The following GSTZ1 variants were observed in gnomAD, a reference collection of about 807,000 sequenced individuals.
GSTZ1 encodes glutathione S-transferase zeta 1.
GSTZ1 carries 34 observed loss-of-function variants against 35.9 expected under a neutral mutation model. The ratio of observed to expected loss-of-function variants is 0.95; its 90% CI spans 0.72 to 1.26. GSTZ1 has a LOEUF of 1.26. Ranked by LOEUF, GSTZ1 falls within the 50% of genes most tolerant of loss-of-function variation. The pLI is 0.00. For synonymous variants in GSTZ1, 93 were observed against 101.2 expected, an observed-to-expected ratio of 0.92 and a Z score of 0.49; for missense variants, 263 against 271.7, an observed-to-expected ratio of 0.97 and a Z score of 0.23.
At chr14:77,327,375 G>A in intron 3 of GSTZ1, 97 bp from the exon 4 acceptor site, 2 of 735,966 alleles carry the variant, frequency 2.7e-6, no homozygotes, top group Non-Finnish European at 4.9e-6. Context: ...AAGGGAGATG[G>A]GGGTGGGTGG....
At chr14:77,327,222 G>C in intron 3 of GSTZ1, 1 of 595,620 alleles carries the variant, frequency 1.7e-6, no homozygotes. Context: ...GAGCTGCCTT[G>C]GTGGCCACGG....
In GSTZ1 at chr14:77,321,058, C is replaced by T; in HGVS notation, c.-111C>T. On this transcript the variant is annotated 5_prime_UTR_variant, in exon 1 of 9. Transcript: ENST00000216465. ...TTTCTAGTCCAGCCCCTCGCTTTAC[C>T]CGGACGAAAGACACGGGCCTGATTC... 8.4e-7 allele frequency: 1 copy of T among 1,195,686 alleles called. No individual in the cohort carries two copies. 74.1% of individuals were successfully genotyped at this position (1,195,686 alleles called of 1,614,324 possible). A position where few individuals can be genotyped will look rare whatever the true frequency, so the allele number is the denominator to read the frequency against.
intron 6 of GSTZ1, 163 bp from the exon 7 acceptor site, chr14:77,329,592 C>G: frequency 1.5e-6 from 1 of 649,952 alleles, no homozygotes; most frequent in Non-Finnish European, 2.8e-6. Flanking sequence ...CAGCTCATCC[C>G]TAACAGCTCT....
At chr14:77,329,312 A>G (rs1892490753) in intron 6 of GSTZ1, 111 bp downstream of exon 6, 1 of 779,980 alleles carries the variant, frequency 1.3e-6, no homozygotes, top group East Asian at 2.6e-5. Flanking sequence ...TGGGCCTGAC[A>G]GTTGCATGGA....
intron 6 of GSTZ1, 57 bp downstream of exon 6, chr14:77,329,258 G>A (rs907917847): frequency 7.2e-6 from 8 of 1,103,882 alleles, no homozygotes; most frequent in Admixed American, 3.4e-5. Flanking sequence ...TATGGCCCTC[G>A]CACACAGGGG....
At position 77,330,359 on chromosome 14, in the gene GSTZ1, G is replaced by A. The variant is rs1414175977; in HGVS notation, c.524G>A (p.Arg175Lys). 1.2e-6 allele frequency: 2 copies of A among 1,612,086 alleles called. No individual in the cohort carries two copies. Among genetic ancestry groups the A allele is most frequent in the South Asian group, 2.2e-5 (2 of 91,022 alleles). ...GTGCCTCAGGTGGCAAATGCTGAAA[G>A]GTAAGAGAGAGCCCCGCCACCCTCC... Reference protein sequence around the residue: ...CLVPQVANAERFKVDLTPYPT... With the variant: ...CLVPQVANAEKFKVDLTPYPT... Residue 175 changes from arginine (R) to lysine (K), a missense_variant and splice_region_variant, in exon 8 of 9, where the codon AGA (arginine) becomes AAA (lysine). By Grantham distance (26) the Arg-to-Lys change is conservative. Transcript: ENST00000216465.
rs781539214 is a variant in GSTZ1, at chr14:77,324,935, C to G, written c.67+14C>G. On this transcript the variant is annotated intron_variant, in intron 2 of 8. Coordinates refer to ENST00000216465, the MANE Select transcript of GSTZ1 (RefSeq NM_145870.3). Reference sequence around the variant, plus strand: ...GAGTTCGAATTGGTAAGAGATGTGCCTCCTCCAGGATGAGTGCTGGAGTGG... The same window carrying G: ...GAGTTCGAATTGGTAAGAGATGTGCGTCCTCCAGGATGAGTGCTGGAGTGG... 1.2e-6 allele frequency: 2 copies of G among 1,608,590 alleles called. No individual in the cohort carries two copies. Among genetic ancestry groups the G allele is most frequent in the Non-Finnish European group, 1.7e-6 (2 of 1,174,914 alleles).
intron 6 of GSTZ1, 115 bp from the exon 7 acceptor site, chr14:77,329,640 G>A: frequency 1.3e-6 from 1 of 798,964 alleles, no homozygotes; most frequent in South Asian, 1.4e-5. Context: ...CAGCAGCCAT[G>A]CCCAGTCTGT....
intron 1 of GSTZ1, chr14:77,321,480 C>G (rs1051669962): frequency 2.0e-6 from 3 of 1,479,350 alleles, no homozygotes; most frequent in Non-Finnish European, 2.7e-6. Flanking sequence ...ACAGACCCCT[C>G]CCTCCACTAA....
At chr14:77,323,774 A>G (rs1386176376) in intron 1 of GSTZ1, 2 of 152,234 alleles carry the variant, frequency 1.3e-5, no homozygotes, top group African/African-American at 4.8e-5. Context: ...GGGGTGAGTG[A>G]GCATATCTGC....
In GSTZ1 at chr14:77,331,286, A is replaced by G. The variant is rs189192686; in HGVS notation, c.*91A>G. On this transcript the variant is annotated 3_prime_UTR_variant, in exon 9 of 9. Coordinates refer to ENST00000216465, the MANE Select transcript of GSTZ1 (RefSeq NM_145870.3). ...GGAAACGAGAGTCTTAATTGAGGAG[A>G]TGGGAGACTCGAACTCTAGCCCTGG... 1.8e-4 allele frequency: 250 copies of G among 1,415,748 alleles called. 1 individual carries two copies. The African/African-American group carries it at 3.2e-3, about 18-fold the overall frequency. The allele number at this position is 1,415,748 out of a possible 1,614,324, so 87.7% of individuals were successfully genotyped here.
Position 77,326,993 on chromosome 14 carries a change from G to A in GSTZ1, c.135+88G>A, listed in dbSNP as rs149029067. 755 of 896,768 alleles carry A rather than the reference G, an allele frequency of 8.4e-4. 2 individuals carry two copies. In the African/African-American group the frequency reaches 0.01, roughly 12 times the overall value. 55.6% of individuals were successfully genotyped at this position (896,768 alleles called of 1,614,324 possible). A position where few individuals can be genotyped will look rare whatever the true frequency, so the allele number is the denominator to read the frequency against. On this transcript the variant is annotated intron_variant, in intron 3 of 8. Transcript: ENST00000216465. Reference sequence around the variant, plus strand: ...GGGAAAAAGGGGAGGCTCTGCCCCAGAGAAGTGAACCTGTGTCTTGTGGAC... The same window carrying A: ...GGGAAAAAGGGGAGGCTCTGCCCCAAAGAAGTGAACCTGTGTCTTGTGGAC...
chr14:77,331,043 G>C (rs1279395675), intron 8 of GSTZ1, 26 bp from the exon 9 acceptor site: 2 of 1,608,794 alleles, frequency 1.2e-6, no homozygotes, highest in Non-Finnish European at 1.7e-6. Flanking sequence ...GAAAACCTTA[G>C]CTTAGCAGGT....
At chr14:77,321,235 C>T (rs565468807) in intron 1 of GSTZ1, 52 bp downstream of exon 1, 3 of 1,535,626 alleles carry the variant, frequency 2.0e-6, no homozygotes, top group Admixed American at 2.0e-5. Context: ...CCTGGAGACC[C>T]TGGGGGGCGG....
At chr14:77,326,932 T>A in intron 3 of GSTZ1, 27 bp downstream of exon 3, 1 of 1,526,500 alleles carries the variant, frequency 6.6e-7, no homozygotes. Context: ...CAGACCACAA[T>A]GTGGGAATTG....
At position 77,331,297 on chromosome 14, in the gene GSTZ1, G is replaced by A. The variant is rs1249505661; in HGVS notation, c.*102G>A. 11 of 1,321,232 alleles carry A rather than the reference G, an allele frequency of 8.3e-6. No homozygotes were observed. The South Asian group carries it at 1.1e-4, about 14-fold the overall frequency. The allele number at this position is 1,321,232 out of a possible 1,614,324, so 81.8% of individuals were successfully genotyped here. A position where few individuals can be genotyped will look rare whatever the true frequency, so the allele number is the denominator to read the frequency against. On this transcript the variant is annotated 3_prime_UTR_variant, in exon 9 of 9. Transcript: ENST00000216465. ...TCTTAATTGAGGAGATGGGAGACTC[G>A]AACTCTAGCCCTGGATCTGCCTTCC...
intron 5 of GSTZ1, 49 bp from the exon 6 acceptor site, chr14:77,329,074 C>G: frequency 7.6e-7 from 1 of 1,321,574 alleles, no homozygotes; most frequent in Non-Finnish European, 1.1e-6. Context: ...GAAGGGGTAG[C>G]CCCCACCCAG....
At chr14:77,330,641 A>G (rs1046566277) in intron 8 of GSTZ1, among the ~76,000 whole-genome samples, 1 of 152,058 alleles carries the variant, frequency 6.6e-6, no homozygotes, top group South Asian at 2.1e-4. Context: ...TGATGTCCTC[A>G]AATGTGGTGT....
Position 77,331,109 on chromosome 14 carries a change from A to G in GSTZ1, c.565A>G (p.Ile189Val), listed in dbSNP as rs143936720. The G allele has an allele frequency of 2.7e-4, 440 of 1,613,782 alleles. 5 individuals are homozygous for G. The African/African-American group carries it at 4.2e-3, about 15-fold the overall frequency. ...DLTPYPTISS[I>V]NKRLLVLEAF... is the part of the protein sequence containing the mutation. ...CACCCCCTACCCTACCATCAGCTCC[A>G]TCAACAAGAGGCTGCTGGTCTTGGA... Residue 189 changes from isoleucine (I) to valine (V), a missense_variant, in exon 9 of 9, where the codon ATC becomes GTC. By Grantham distance (29) the Ile-to-Val change is conservative (BLOSUM62 3). Coordinates refer to ENST00000216465, the MANE Select transcript of GSTZ1 (RefSeq NM_145870.3).
Sources: gnomAD v4.1 joint callset for allele counts (sites outside exome capture counted in the v4.1 genomes callset) on GRCh38, gnomAD v4.1.1 for gene constraint, MANE v1.5 for transcripts, NCBI Gene and HGNC (gene_info 2026-07-23, HGNC 2026-07-21) for gene names.